ZNG1F: variants seen among roughly 807,000 people sequenced by gnomAD.
ZNG1F encodes zinc-regulated GTPase metalloprotein activator 1F.
chr9:41,184,164 G>T, the ZNG1F span, among the ~76,000 whole-genome samples: 61 of 151,048 alleles, frequency 4.0e-4, no homozygotes, highest in Non-Finnish European at 7.1e-4. Flanking sequence ...TTTGGCCAGT[G>T]TACCATGTGC....
chr9:41,180,355 C>CA, the ZNG1F span, among the ~76,000 whole-genome samples: 1 of 43,008 alleles, frequency 2.3e-5, no homozygotes, highest in African/African-American at 1.1e-4. Context: ...CAATGGGAAA[C>CA]AAAAAAATGT....
chr9:41,178,818 G>A, the ZNG1F span, among the ~76,000 whole-genome samples: 40 of 96,184 alleles, frequency 4.2e-4, no homozygotes, highest in African/African-American at 1.4e-3. Flanking sequence ...TGCCCATCTC[G>A]GCCTCCCAAA....
chr9:41,166,264 T>TA, the ZNG1F span, among the ~76,000 whole-genome samples: 1 of 135,830 alleles, frequency 7.4e-6, no homozygotes, highest in African/African-American at 2.8e-5. Flanking sequence ...ATAAATAAAA[T>TA]AAAAAAATGC....
chr9:41,196,172 TAGA>T, the ZNG1F span: 1 of 54,030 alleles, frequency 1.9e-5, no homozygotes. Flanking sequence ...CTCACAGTTC[TAGA>T]GGCTATGAAG....
the ZNG1F span, chr9:41,183,689 C>A: frequency 1.5e-5 from 24 of 1,606,274 alleles, 1 homozygote; most frequent in South Asian, 7.7e-5. Flanking sequence ...AATAAATAAA[C>A]AAACTCTTTA....
At chr9:41,146,153 G>A in the ZNG1F span, among the ~76,000 whole-genome samples, 1,959 of 145,392 alleles carry the variant, frequency 0.013, 93 homozygotes, top group African/African-American at 0.037. Context: ...ATCCTTCCCA[G>A]CTGGTTGCTC....
chr9:41,158,266 A>G, the ZNG1F span: 233 of 116,086 alleles, frequency 2.0e-3, no homozygotes, highest in African/African-American at 5.8e-3. Context: ...GTGAGCCGAG[A>G]TCGCACCACC....
the ZNG1F span, among the ~76,000 whole-genome samples, chr9:41,187,095 GAGA>G: frequency 1.4e-5 from 2 of 147,576 alleles, 1 homozygote; most frequent in Admixed American, 1.4e-4. Flanking sequence ...AATCTTCTAA[GAGA>G]AGATTTACTA....
chr9:41,150,401 C>G, the ZNG1F span, among the ~76,000 whole-genome samples: 3 of 144,252 alleles, frequency 2.1e-5, no homozygotes, highest in South Asian at 6.7e-4. Flanking sequence ...GGGGGAGGGG[C>G]GCCCGCCATT....
chr9:41,154,840 T>A, the ZNG1F span, among the ~76,000 whole-genome samples: 2 of 149,754 alleles, frequency 1.3e-5, no homozygotes, highest in African/African-American at 4.9e-5. Flanking sequence ...TTACACCTTA[T>A]ACAAAAATCA....
the ZNG1F span, chr9:41,131,723 T>C: frequency 3.9e-6 from 1 of 254,912 alleles, no homozygotes; most frequent in Non-Finnish European, 6.5e-6. Context: ...TGATAAGAAA[T>C]GCCTCTAGTG....
the ZNG1F span, chr9:41,132,466 A>G: frequency 6.8e-7 from 1 of 1,481,074 alleles, no homozygotes; most frequent in South Asian, 1.3e-5. Context: ...CTTAAAAAAT[A>G]CAAACTCTTA....
At chr9:41,166,466 AT>A in the ZNG1F span, among the ~76,000 whole-genome samples, 3,037 of 142,114 alleles carry the variant, frequency 0.021, 48 homozygotes, top group African/African-American at 0.063. Flanking sequence ...ATATATATAT[AT>A]ATATATAAAA....
chr9:41,132,572 T>C, the ZNG1F span: 1 of 1,372,050 alleles, frequency 7.3e-7, no homozygotes, highest in East Asian at 2.9e-5. Context: ...ATTGATTTTT[T>C]TTTTGAACAA....
chr9:41,174,078 C>T, the ZNG1F span, among the ~76,000 whole-genome samples: 128 of 146,332 alleles, frequency 8.7e-4, 2 homozygotes, highest in Middle Eastern at 0.011. Flanking sequence ...AAAAATTAGC[C>T]AGGTACGATG....
chr9:41,201,270 T>C, the ZNG1F span, among the ~76,000 whole-genome samples: 29 of 142,694 alleles, frequency 2.0e-4, 2 homozygotes, highest in East Asian at 6.0e-3. Flanking sequence ...TATACATATA[T>C]ATATATATAT....
At chr9:41,165,124 T>A in the ZNG1F span, 11 of 1,523,630 alleles carry the variant, frequency 7.2e-6, 1 homozygote, top group East Asian at 2.6e-4. Context: ...TAAGAAATTT[T>A]AAATAATATA....
the ZNG1F span, among the ~76,000 whole-genome samples, chr9:41,185,269 C>A: frequency 5.2e-5 from 7 of 133,920 alleles, no homozygotes; most frequent in Non-Finnish European, 9.7e-5. Context: ...GTTTTAACTG[C>A]ATTGCAGATA....
the ZNG1F span, among the ~76,000 whole-genome samples, chr9:41,169,737 AC>A: frequency 6.8e-5 from 10 of 146,480 alleles, no homozygotes; most frequent in Non-Finnish European, 4.5e-5. Context: ...TGTTCTTACC[AC>A]CCCCTCTCAA....
Sources: allele counts gnomAD v4.1 joint callset (sites outside exome capture counted in the v4.1 genomes callset), GRCh38; gene constraint gnomAD v4.1.1; transcripts MANE v1.5; gene names NCBI Gene and HGNC (gene_info 2026-07-23, HGNC 2026-07-21).